The following RBFOX1 variants were observed in gnomAD, a reference collection of about 807,000 sequenced individuals.
RBFOX1 encodes the protein RNA binding fox-1 homolog 1.
Under a neutral mutation model 57.7 loss-of-function variants are expected in RBFOX1, and 8 were observed. The observed-to-expected ratio is 0.14, with a 90% CI of 0.08 to 0.25. RBFOX1 has a LOEUF of 0.25. Among genes scored for constraint, RBFOX1 ranks in the 10% least tolerant of loss-of-function variants. The pLI is 1.00. For missense variants in RBFOX1, 611 were observed against 548.5 expected, an observed-to-expected ratio of 1.11 and a Z score of -1.14; for synonymous variants, 326 against 222.4, an observed-to-expected ratio of 1.47 and a Z score of -4.15.
chr16:7,302,767 C>G (rs1221370429), intron 4 of RBFOX1, among the ~76,000 whole-genome samples: 1 of 148,218 alleles, frequency 6.7e-6, no homozygotes, highest in Non-Finnish European at 1.5e-5. Flanking sequence ...CCTGTCAGGA[C>G]CAAGGACGAG....
intron 2 of RBFOX1, among the ~76,000 whole-genome samples, chr16:6,419,586 C>T (rs760786343): frequency 6.6e-6 from 1 of 152,122 alleles, no homozygotes; most frequent in Non-Finnish European, 1.5e-5. Context: ...GAGTGGGCCC[C>T]GTGCCAATTT....
intron 1 of RBFOX1, among the ~76,000 whole-genome samples, chr16:6,159,268 G>C (rs1375196557): frequency 1.3e-5 from 2 of 152,026 alleles, no homozygotes; most frequent in Non-Finnish European, 2.9e-5. Flanking sequence ...GTAGACACGG[G>C]GTTTCACCAT....
intron 3 of RBFOX1, among the ~76,000 whole-genome samples, chr16:6,829,832 C>T (rs1246699144): frequency 1.3e-5 from 2 of 152,164 alleles, no homozygotes; most frequent in Non-Finnish European, 2.9e-5. Flanking sequence ...GAATTCTTGA[C>T]CTTAGGAGAT....
At chr16:6,780,337 A>T (rs1488399563) in intron 3 of RBFOX1, among the ~76,000 whole-genome samples, 4 of 82,466 alleles carry the variant, frequency 4.9e-5, no homozygotes, top group Non-Finnish European at 7.3e-5. Flanking sequence ...ATATATTTAT[A>T]CATATTTATA....
At chr16:7,121,948 T>C (rs2067283578) in intron 4 of RBFOX1, among the ~76,000 whole-genome samples, 1 of 151,716 alleles carries the variant, frequency 6.6e-6, no homozygotes, top group Admixed American at 6.6e-5. Flanking sequence ...CAACAACTGG[T>C]GTTGGAATAA....
At chr16:6,667,740 A>G (rs571787997) in intron 3 of RBFOX1, among the ~76,000 whole-genome samples, 3 of 152,020 alleles carry the variant, frequency 2.0e-5, no homozygotes, top group African/African-American at 2.4e-5. Context: ...ATATAGCCAC[A>G]TAGTTAGGCA....
chr16:5,631,987 A>G (rs891525881), intron 3 of RBFOX1, among the ~76,000 whole-genome samples: 9 of 152,174 alleles, frequency 5.9e-5, no homozygotes, highest in East Asian at 3.9e-4. Context: ...TTTGCTCTCT[A>G]TAAGCTTCCG....
chr16:7,174,672 C>T (rs1025104142), intron 4 of RBFOX1, among the ~76,000 whole-genome samples: 9 of 152,162 alleles, frequency 5.9e-5, no homozygotes, highest in Admixed American at 1.3e-4. Context: ...CCCAGCTACT[C>T]GGGAGTCTGA....
At chr16:7,217,226 G>A (rs1003787885) in intron 4 of RBFOX1, among the ~76,000 whole-genome samples, 4 of 150,724 alleles carry the variant, frequency 2.7e-5, no homozygotes, top group Non-Finnish European at 5.9e-5. Context: ...TCCCACAGCA[G>A]GAGTAGCTGG....
At chr16:6,420,836 G>C (rs2093751629) in intron 2 of RBFOX1, among the ~76,000 whole-genome samples, 1 of 152,210 alleles carries the variant, frequency 6.6e-6, no homozygotes, top group Non-Finnish European at 1.5e-5. Flanking sequence ...CACTCTCTGA[G>C]TGCTTTATGT....
In RBFOX1 at chr16:6,619,987, G is replaced by C. The variant is rs553436016; in HGVS notation, c.-63-34616G>C. 3.7e-4 allele frequency among the ~76,000 whole-genome samples: 56 copies of C among 152,276 alleles called. 1 individual carries two copies. The South Asian group carries it at 0.011, about 30-fold the overall frequency. On this transcript the variant is annotated intron_variant, in intron 2 of 15. Transcript: ENST00000550418. ...TGATTTTCTGTTCCTGCGTTAGTTT[G>C]CTAAGTGTAATGGCCTCCACTTCCA...
chr16:6,922,009 T>C (rs1423548401), intron 3 of RBFOX1, among the ~76,000 whole-genome samples: 1 of 152,120 alleles, frequency 6.6e-6, no homozygotes, highest in Admixed American at 6.6e-5. Flanking sequence ...GCCTAACACC[T>C]TGTGGCTATT....
chr16:5,469,081 G>A (rs1039418493), intron 2 of RBFOX1, among the ~76,000 whole-genome samples: 1 of 152,224 alleles, frequency 6.6e-6, no homozygotes, highest in Non-Finnish European at 1.5e-5. Flanking sequence ...GGTTTTCTTG[G>A]GAGGTGGGTA....
intron 3 of RBFOX1, among the ~76,000 whole-genome samples, chr16:5,716,751 A>G (rs962257802): frequency 6.6e-6 from 1 of 152,220 alleles, no homozygotes; most frequent in Non-Finnish European, 1.5e-5. Flanking sequence ...AATGATTTAT[A>G]TTCCTTTGGG....
chr16:7,698,183 G>GGTGT (rs59239865), intron 14 of RBFOX1, among the ~76,000 whole-genome samples: 12,999 of 136,056 alleles, frequency 0.096, 675 homozygotes, highest in African/African-American at 0.15. Flanking sequence ...AGTCCAAGAG[G>GGTGT]GTGTGTGTGT....
At chr16:5,770,020 A>G (rs925818912) in intron 3 of RBFOX1, among the ~76,000 whole-genome samples, 2 of 152,174 alleles carry the variant, frequency 1.3e-5, no homozygotes, top group African/African-American at 4.8e-5. Context: ...AGGCAGATAG[A>G]AGCTAAACTA....
At chr16:5,554,916 C>G (rs371534544) in intron 2 of RBFOX1, among the ~76,000 whole-genome samples, 47 of 152,286 alleles carry the variant, frequency 3.1e-4, no homozygotes, top group African/African-American at 1.1e-3. Flanking sequence ...TTAGAAGTGA[C>G]CACTTTCTGA....
intron 5 of RBFOX1, among the ~76,000 whole-genome samples, chr16:7,532,145 T>TC (rs1405581207): frequency 2.4e-4 from 23 of 94,074 alleles, no homozygotes; most frequent in Non-Finnish European, 5.7e-4. Flanking sequence ...TTTTTTTTTT[T>TC]TCACTAAGAA....
chr16:6,986,178 TTC>T lies in RBFOX1; in HGVS notation c.-15-65877_-15-65876del, dbSNP rs1193806879. Reference sequence around the variant, plus strand: ...ATATACGTCTACCAGAATCACCAATTTCTATTTTTATTTATTTATTTATTTAT... The same window carrying T: ...ATATACGTCTACCAGAATCACCAATTTATTTTTATTTATTTATTTATTTAT... On this transcript the variant is annotated intron_variant, in intron 3 of 15. Transcript: ENST00000550418. Among the ~76,000 whole-genome samples, 755 of 143,458 alleles carry T rather than the reference TTC, an allele frequency of 5.3e-3. 5 individuals carry two copies. Among genetic ancestry groups the T allele is most frequent in the African/African-American group, 0.013 (505 of 38,528 alleles). The allele number at this position is 143,458 out of a possible 152,430, so 94.1% of individuals were successfully genotyped here. A position where few individuals can be genotyped will look rare whatever the true frequency, so the allele number is the denominator to read the frequency against.
Sources: gnomAD v4.1 joint callset for allele counts (sites outside exome capture counted in the v4.1 genomes callset) on GRCh38, gnomAD v4.1.1 for gene constraint, MANE v1.5 for transcripts, NCBI Gene and HGNC (gene_info 2026-07-23, HGNC 2026-07-21) for gene names.